The following NARF variants were observed in gnomAD, a reference collection of about 807,000 sequenced individuals.
NARF encodes the protein nuclear prelamin A recognition factor, also known as iron-only hydrogenase-like protein 2.
Under a neutral mutation model 48.0 loss-of-function variants are expected in NARF, and 41 were observed. The observed-to-expected ratio is 0.85, with a 90% CI of 0.66 to 1.11. The LOEUF (loss-of-function observed/expected upper bound fraction) is 1.11. NARF is among the 50% of genes least tolerant of loss of function. NARF has a pLI of 0.00. For missense variants in NARF, 613 were observed against 590.2 expected (o/e 1.04, Z -0.40); for synonymous variants, 215 against 225.5 (o/e 0.95, Z 0.42).
At chr17:82,470,764 G>A (rs1463819942) in intron 4 of NARF, among the ~76,000 whole-genome samples, 2 of 152,096 alleles carry the variant, frequency 1.3e-5, no homozygotes, top group African/African-American at 4.8e-5. Context: ...AAAGTACTGG[G>A]ATTCCAGGGG....
intron 6 of NARF, among the ~76,000 whole-genome samples, chr17:82,479,609 A>G (rs532008533): frequency 1.3e-5 from 2 of 152,200 alleles, no homozygotes; most frequent in East Asian, 1.9e-4. Flanking sequence ...CATGCCCCAC[A>G]CTGCTCTTCT....
intron 4 of NARF, among the ~76,000 whole-genome samples, chr17:82,469,109 C>T (rs145784044): frequency 7.2e-4 from 110 of 152,286 alleles, no homozygotes; most frequent in African/African-American, 2.6e-3. Flanking sequence ...TGTGCACAGA[C>T]AGGTGTTTTG....
chr17:82,464,146 C>T (rs1567929057), intron 2 of NARF, 141 bp from the exon 3 acceptor site: 1 of 1,123,892 alleles, frequency 8.9e-7, no homozygotes, highest in South Asian at 1.5e-5. Flanking sequence ...GTCCTGCTTC[C>T]AGCCCCTTGA....
chr17:82,478,953 G>C (rs1448406872), intron 6 of NARF, 35 bp downstream of exon 6: 2 of 1,592,348 alleles, frequency 1.3e-6, no homozygotes, highest in Non-Finnish European at 1.7e-6. Context: ...GGAAGGGCAG[G>C]TGAGGGAGGA....
At chr17:82,474,734 T>C (rs1056418230) in intron 5 of NARF, among the ~76,000 whole-genome samples, 6 of 152,188 alleles carry the variant, frequency 3.9e-5, no homozygotes, top group Non-Finnish European at 8.8e-5. Flanking sequence ...GGACTTACTC[T>C]CTAGCCATTT....
chr17:82,458,937 TC>T, intron 1 of NARF, 107 bp downstream of exon 1: 1 of 1,233,298 alleles, frequency 8.1e-7, no homozygotes, highest in East Asian at 3.2e-5. Context: ...TCAGGGCTCT[TC>T]AAGGCGCCCC....
chr17:82,480,725 A>C (rs1360661041), intron 6 of NARF: 1 of 446,480 alleles, frequency 2.2e-6, no homozygotes, highest in African/African-American at 2.0e-5. Context: ...TGAGCTCAGG[A>C]GTTTGAGACC....
At chr17:82,463,094 G>C (rs989976033) in intron 2 of NARF, 2 of 152,182 alleles carry the variant, frequency 1.3e-5, no homozygotes, top group Non-Finnish European at 2.9e-5. Flanking sequence ...GCAGGAGGCA[G>C]AGGTGACACC....
Position 82,488,009 on chromosome 17 carries a change from C to T in NARF, c.1223C>T (p.Pro408Leu). 1 of 1,614,212 alleles carries T rather than the reference C, an allele frequency of 6.2e-7. No homozygotes were observed. The highest frequency in any genetic ancestry group is 1.3e-5 in the African/African-American group (1 of 75,060). Residue 408 changes from proline to leucine, a missense_variant, in exon 11 of 11, where the codon CCT (proline) becomes CTT (leucine). Coordinates refer to ENST00000309794, the MANE Select transcript of NARF (RefSeq NM_012336.4). ...RQMEGIYADI[P>L]VRRPESSAHV... ...ATGGAAGGCATTTACGCTGACATCC[C>T]TGTGCGGCGTCCGGAGTCCAGTGCA... is the stretch of plus-strand genomic sequence containing the variant.
chr17:82,459,014 G>C (rs1233399032), intron 1 of NARF, 184 bp downstream of exon 1: 9 of 1,209,908 alleles, frequency 7.4e-6, no homozygotes, highest in Non-Finnish European at 9.2e-6. Context: ...GCGCTCTGCA[G>C]GGCGGGTTCG....
intron 10 of NARF, among the ~76,000 whole-genome samples, chr17:82,486,914 T>C (rs2044107798): frequency 6.6e-6 from 1 of 152,232 alleles, no homozygotes; most frequent in African/African-American, 2.4e-5. Context: ...GACACATTTT[T>C]ACTCAGGCCA....
At chr17:82,483,849 A>G (rs894617749) in intron 8 of NARF, 70 bp downstream of exon 8, 67 of 1,458,976 alleles carry the variant, frequency 4.6e-5, no homozygotes, top group Middle Eastern at 4.6e-4. Flanking sequence ...GCCACCTGCC[A>G]GGCCCAGGGC....
chr17:82,464,175 G>C, intron 2 of NARF, 112 bp from the exon 3 acceptor site: 1 of 1,401,130 alleles, frequency 7.1e-7, no homozygotes, highest in South Asian at 1.4e-5. Context: ...CCTGGACCCT[G>C]GTATTATCTC....
At chr17:82,475,990 C>T (rs2043823819) in intron 5 of NARF, among the ~76,000 whole-genome samples, 1 of 151,976 alleles carries the variant, frequency 6.6e-6, no homozygotes, top group African/African-American at 2.4e-5. Context: ...CTGGTCAAGA[C>T]TTTTTTTTAT....
intron 10 of NARF, among the ~76,000 whole-genome samples, chr17:82,486,281 C>G (rs1309025798): frequency 6.6e-6 from 1 of 152,098 alleles, no homozygotes; most frequent in Non-Finnish European, 1.5e-5. Flanking sequence ...TGCCCCTGAC[C>G]CATGGTGGTC....
chr17:82,477,976 A>G (rs1414608086), intron 5 of NARF: 1 of 152,294 alleles, frequency 6.6e-6, no homozygotes, highest in Non-Finnish European at 1.5e-5. Context: ...CCCCGCCAGG[A>G]GTAGAGTCTC....
At chr17:82,469,894 G>A (rs974988295) in intron 4 of NARF, among the ~76,000 whole-genome samples, 7 of 148,578 alleles carry the variant, frequency 4.7e-5, no homozygotes, top group African/African-American at 9.8e-5. Flanking sequence ...ATGTGCCACC[G>A]TGCCTGGCCA....
chr17:82,472,644 C>G lies in NARF; in HGVS notation c.466C>G (p.Arg156Gly). The part of the protein sequence containing the change: ...ESQKEFVRRY[R>G]QHSEEERTLP... ...TCAAAAAGAATTCGTGCGTCGCTAT[C>G]GCCAGCACAGTGAGGAGGAACGCAC... The change falls in exon 5 of 11, where the codon CGC becomes GGC. Residue 156 changes from arginine to glycine, a missense_variant. Transcript: ENST00000309794. 1 of 1,614,012 alleles carries G rather than the reference C, an allele frequency of 6.2e-7. No individual in the cohort carries two copies. The highest frequency in any genetic ancestry group is 8.5e-7 in the Non-Finnish European group (1 of 1,179,960).
rs538155963 is a variant in NARF at position 82,460,214 on chromosome 17, C to T, written c.108+142C>T. The T allele has an allele frequency of 8.9e-6, 6 of 673,956 alleles. No homozygotes were observed. In the African/African-American group the frequency reaches 1.1e-4, roughly 12 times the overall value. The allele number at this position is 673,956 out of a possible 1,614,324, so 41.7% of individuals were successfully genotyped here. A position where few individuals can be genotyped will look rare whatever the true frequency, so the allele number is the denominator to read the frequency against. On this transcript the variant is annotated intron_variant, in intron 2 of 10. Coordinates refer to ENST00000309794, the MANE Select transcript of NARF (RefSeq NM_012336.4). ...GCATGGTGGCTCACGCCTGGAATCC[C>T]AGCACTTTGGGAGGCCGAGGTGGAC... is the stretch of plus-strand genomic sequence containing the variant.
Sources: allele counts gnomAD v4.1 joint callset (sites outside exome capture counted in the v4.1 genomes callset), GRCh38; gene constraint gnomAD v4.1.1; transcripts MANE v1.5; gene names NCBI Gene and HGNC (gene_info 2026-07-23, HGNC 2026-07-21).